Variants in OSBPL3 observed in about 807,000 individuals in gnomAD.
OSBPL3 encodes oxysterol-binding protein-related protein 3.
In OSBPL3, 65 loss-of-function variants were observed where a neutral mutation model predicts 120.1. The ratio of observed to expected loss-of-function variants is 0.54; its 90% CI spans 0.44 to 0.67. The LOEUF (loss-of-function observed/expected upper bound fraction) is 0.67. Ranked by LOEUF, OSBPL3 falls within the 30% of genes least tolerant of loss-of-function variation. OSBPL3 has a pLI of 0.00. For missense variants in OSBPL3, 1,004 were observed against 1,082.1 expected (o/e 0.93, Z 1.01); for synonymous variants, 416 against 402.6 (o/e 1.03, Z -0.40).
At chr7:24,858,746 C>G (rs979050183) in intron 10 of OSBPL3, among the ~76,000 whole-genome samples, 7 of 152,200 alleles carry the variant, frequency 4.6e-5, no homozygotes, top group African/African-American at 1.7e-4. Flanking sequence ...GGGCCCATTA[C>G]AGACTTTCAA....
Position 24,863,163 on chromosome 7 carries a change from A to G in OSBPL3, c.870+37T>C, listed in dbSNP as rs889686571. The G allele has an allele frequency of 4.7e-6, 7 of 1,481,354 alleles. No homozygotes were observed. The African/African-American group carries it at 5.5e-5, about 12-fold the overall frequency. 91.8% of individuals were successfully genotyped at this position (1,481,354 alleles called of 1,614,324 possible). On this transcript the variant is annotated intron_variant, in intron 9 of 22. Coordinates refer to ENST00000313367, the MANE Select transcript of OSBPL3 (RefSeq NM_015550.4). The surrounding 1 kb of genome is among the most constrained non-coding windows in gnomAD (Gnocchi z 5.8). ...GCACACGGCATGCAGAGCAGGGCCA[A>G]TGAAGAAACCAGTCTGTCAGGGGAA...
chr7:24,812,307 A>G (rs1444082390), intron 19 of OSBPL3, among the ~76,000 whole-genome samples: 1 of 113,280 alleles, frequency 8.8e-6, no homozygotes, highest in South Asian at 4.2e-4. Context: ...TCCATCTCAA[A>G]AAAAAAAAAA....
In OSBPL3 at chr7:24,938,156, G is replaced by A. The variant is rs1812640563; in HGVS notation, c.-150+41730C>T. 6.6e-6 allele frequency among the ~76,000 whole-genome samples: 1 copy of A among 152,214 alleles called. No individual in the cohort carries two copies. Among genetic ancestry groups the A allele is most frequent in the Non-Finnish European group, 1.5e-5 (1 of 68,044 alleles). On this transcript the variant is annotated intron_variant, in intron 1 of 22. Coordinates refer to ENST00000313367, the MANE Select transcript of OSBPL3 (RefSeq NM_015550.4). This position sits in a 1 kb window ranked among gnomAD's most constrained non-coding sequence, Gnocchi z 5.8. ...CCTAATCACCAACCTGATGGTATTA[G>A]GAGTTGGAGCCTTTGGGCGGTGATC...
At chr7:24,838,515 TGTTA>T (rs1797294718) in intron 14 of OSBPL3, among the ~76,000 whole-genome samples, 1 of 152,112 alleles carries the variant, frequency 6.6e-6, no homozygotes, top group African/African-American at 2.4e-5. Flanking sequence ...AAAAGGGCAA[TGTTA>T]GTTAGCATTC....
At chr7:24,858,234 C>T (rs775078092) in intron 10 of OSBPL3, among the ~76,000 whole-genome samples, 2 of 152,190 alleles carry the variant, frequency 1.3e-5, no homozygotes, top group African/African-American at 2.4e-5. Context: ...AGGTGAAGGT[C>T]GCAGAGACTA....
intron 16 of OSBPL3, among the ~76,000 whole-genome samples, chr7:24,823,626 A>C (rs985338990): frequency 5.3e-5 from 8 of 152,158 alleles, no homozygotes; most frequent in Non-Finnish European, 1.2e-4. Context: ...AAACTTTTGA[A>C]TTTGACCTTT....
intron 1 of OSBPL3, among the ~76,000 whole-genome samples, chr7:24,961,592 T>C (rs959247415): frequency 1.3e-5 from 2 of 152,102 alleles, no homozygotes; most frequent in Admixed American, 6.5e-5. Context: ...AGCTAGAAGG[T>C]GCCCTCTATG....
intron 1 of OSBPL3, among the ~76,000 whole-genome samples, chr7:24,902,189 G>C (rs773343183): frequency 1.3e-5 from 2 of 152,290 alleles, no homozygotes; most frequent in Non-Finnish European, 2.9e-5. Flanking sequence ...TATAAGTTAG[G>C]TAGTGTAGGA....
chr7:24,853,591 G>C (rs1472571122), intron 10 of OSBPL3, among the ~76,000 whole-genome samples: 1 of 152,164 alleles, frequency 6.6e-6, no homozygotes, highest in Non-Finnish European at 1.5e-5. Flanking sequence ...TTTGAATATG[G>C]GAGGTAGAAT....
At chr7:24,864,650 G>C (rs1459176566) in intron 7 of OSBPL3, among the ~76,000 whole-genome samples, 1 of 152,162 alleles carries the variant, frequency 6.6e-6, no homozygotes, top group Non-Finnish European at 1.5e-5. Context: ...TTTCAAATCA[G>C]TTGGAGAAAT....
At position 24,921,837 on chromosome 7, in the gene OSBPL3, T is replaced by A. The variant is rs1008347505; in HGVS notation, c.-149-29216A>T. Among the ~76,000 whole-genome samples, 3 of 152,334 alleles carry A rather than the reference T, an allele frequency of 2.0e-5. No homozygotes were observed. The East Asian group carries it at 5.8e-4, about 29-fold the overall frequency. ...ACAAACAAGAGTTCACATTATGGGA[T>A]TTTAAAGAACCTTCCATTCTTACAG... On this transcript the variant is annotated intron_variant, in intron 1 of 22. Transcript: ENST00000313367.
chr7:24,835,369 T>G lies in OSBPL3; in HGVS notation c.1496-633A>C, dbSNP rs1796873123. Among the ~76,000 whole-genome samples the G allele has an allele frequency of 1.3e-5, 2 of 151,980 alleles. No individual in the cohort carries two copies. Among genetic ancestry groups the G allele is most frequent in the Admixed American group, 1.3e-4 (2 of 15,246 alleles). On this transcript the variant is annotated intron_variant, in intron 14 of 22. Coordinates refer to ENST00000313367, the MANE Select transcript of OSBPL3 (RefSeq NM_015550.4). This position sits in a 1 kb window ranked among gnomAD's most constrained non-coding sequence, Gnocchi z 4.8. Reference sequence around the variant, plus strand: ...TGCAAATCAAAACCACAATGAGATATCATCTCATACCAATCAGAATAGCAA... The same window carrying G: ...TGCAAATCAAAACCACAATGAGATAGCATCTCATACCAATCAGAATAGCAA...
rs544791541 is a variant in OSBPL3, at chr7:24,936,033, C to G, written c.-149-43412G>C. ...TATCTCCTAAAGCTATCCCTCCCCCCTCCCCAGGAATCTTTTTTTTTTATC... is the reference window on the plus strand; with the variant it reads ...TATCTCCTAAAGCTATCCCTCCCCCGTCCCCAGGAATCTTTTTTTTTTATC... On this transcript the variant is annotated intron_variant, in intron 1 of 22. Transcript: ENST00000313367. This position sits in a 1 kb window ranked among gnomAD's most constrained non-coding sequence, Gnocchi z 4.2. 5.7e-3 allele frequency among the ~76,000 whole-genome samples: 783 copies of G among 137,442 alleles called. 6 individuals carry two copies. The highest frequency in any genetic ancestry group is 8.8e-3 in the Non-Finnish European group (569 of 64,446). The allele number at this position is 137,442 out of a possible 152,430, so 90.2% of individuals were successfully genotyped here.
At chr7:24,876,737 G>A (rs1208720278) in intron 2 of OSBPL3, among the ~76,000 whole-genome samples, 3 of 152,032 alleles carry the variant, frequency 2.0e-5, no homozygotes, top group East Asian at 1.9e-4. Flanking sequence ...CAGTGGGGTC[G>A]GCTGAAATAA....
intron 10 of OSBPL3, among the ~76,000 whole-genome samples, chr7:24,857,915 T>C (rs1189871725): frequency 1.3e-5 from 2 of 152,222 alleles, no homozygotes; most frequent in Non-Finnish European, 2.9e-5. Flanking sequence ...GAAGTTTTTG[T>C]TTCATTTTTA....
intron 12 of OSBPL3, among the ~76,000 whole-genome samples, chr7:24,845,737 T>C (rs1228415762): frequency 1.3e-5 from 2 of 152,162 alleles, no homozygotes; most frequent in Non-Finnish European, 2.9e-5. Context: ...AAATCTTCCC[T>C]ACTCTAGCAG....
At chr7:24,856,742 G>T (rs1445961511) in intron 10 of OSBPL3, among the ~76,000 whole-genome samples, 1 of 152,260 alleles carries the variant, frequency 6.6e-6, no homozygotes, top group East Asian at 1.9e-4. Flanking sequence ...CTAACAAACA[G>T]TGAGACTCAT....
In OSBPL3 at chr7:24,806,694, C is replaced by G. The variant is rs1173840193; in HGVS notation, c.2444+82G>C. 1.5e-6 allele frequency: 2 copies of G among 1,314,384 alleles called. No homozygotes were observed. Among genetic ancestry groups the G allele is most frequent in the Non-Finnish European group, 2.1e-6 (2 of 948,476 alleles). 81.4% of individuals were successfully genotyped at this position (1,314,384 alleles called of 1,614,324 possible). A position where few individuals can be genotyped will look rare whatever the true frequency, so the allele number is the denominator to read the frequency against. On this transcript the variant is annotated intron_variant, in intron 21 of 22. Coordinates refer to ENST00000313367, the MANE Select transcript of OSBPL3 (RefSeq NM_015550.4). The surrounding 1 kb of genome is among the most constrained non-coding windows in gnomAD (Gnocchi z 5.2). ...CATTTTCCACCTTTCTCAGGTGCCT[C>G]TGGTGGCCTAAGGATTGTTAATAAG...
Position 24,820,460 on chromosome 7 carries a change from C to T in OSBPL3, c.1885-222G>A, listed in dbSNP as rs552806316. On this transcript the variant is annotated intron_variant, in intron 16 of 22. Transcript: ENST00000313367. The surrounding 1 kb of genome is among the most constrained non-coding windows in gnomAD (Gnocchi z 4.6). ...CAAGGCTGAGGGGAAGGCCCTTGAACGGAAGCCTCCAGAAGCCTCCGTGGG... is the reference window on the plus strand; with the variant it reads ...CAAGGCTGAGGGGAAGGCCCTTGAATGGAAGCCTCCAGAAGCCTCCGTGGG... 1.5e-4 allele frequency among the ~76,000 whole-genome samples: 23 copies of T among 152,254 alleles called. No homozygotes were observed. Among genetic ancestry groups the T allele is most frequent in the African/African-American group, 5.3e-4 (22 of 41,540 alleles).
Sources: gnomAD v4.1 joint callset for allele counts (sites outside exome capture counted in the v4.1 genomes callset) on GRCh38, gnomAD v4.1.1 for gene constraint, Gnocchi (gnomAD v3.1) non-coding constraint, MANE v1.5 for transcripts, NCBI Gene and HGNC (gene_info 2026-07-23, HGNC 2026-07-21) for gene names.